The following SORCS3 variants were observed in gnomAD, a reference collection of about 807,000 sequenced individuals.
The protein encoded by SORCS3 is VPS10 domain-containing receptor SorCS3.
SORCS3 carries 57 observed loss-of-function variants against 146.3 expected under a neutral mutation model. That is an observed-to-expected ratio of 0.39 (90% CI 0.31 to 0.49). The LOEUF (loss-of-function observed/expected upper bound fraction) is 0.49. SORCS3 is among the 20% of genes least tolerant of loss of function. The pLI is 0.92. For synonymous variants in SORCS3, 653 were observed against 618.5 expected (o/e 1.06, Z -0.83); for missense variants, 1,341 against 1,575.5 (o/e 0.85, Z 2.52).
At chr10:105,178,249 C>T in intron 14 of SORCS3, 76 bp downstream of exon 14, 5 of 1,168,986 alleles carry the variant, frequency 4.3e-6, no homozygotes, top group Non-Finnish European at 6.1e-6. Context: ...TTGGATTTTT[C>T]CCAGGGAACC....
At chr10:105,200,292 A>G (rs1476823824) in intron 15 of SORCS3, among the ~76,000 whole-genome samples, 176 bp downstream of exon 15, 1 of 152,120 alleles carries the variant, frequency 6.6e-6, no homozygotes. Context: ...GGGCCAGATG[A>G]TATTTAGGAA....
chr10:105,226,782 C>T (rs2056736254), intron 20 of SORCS3, among the ~76,000 whole-genome samples: 2 of 151,442 alleles, frequency 1.3e-5, no homozygotes, highest in Non-Finnish European at 3.0e-5. Context: ...CTGATTCAGT[C>T]TTGGTGGGTT....
At chr10:105,225,538 C>T (rs2056729298) in intron 20 of SORCS3, among the ~76,000 whole-genome samples, 1 of 151,844 alleles carries the variant, frequency 6.6e-6, no homozygotes, top group African/African-American at 2.4e-5. Flanking sequence ...CTTTGTTCTC[C>T]TTCAATTTTA....
chr10:104,973,337 G>A (rs1254415240), intron 3 of SORCS3, among the ~76,000 whole-genome samples: 2 of 151,738 alleles, frequency 1.3e-5, no homozygotes, highest in Non-Finnish European at 2.9e-5. Flanking sequence ...GACTCTTTTT[G>A]GTTGGTAAGC....
chr10:105,177,000 G>T (rs553197836), intron 13 of SORCS3, among the ~76,000 whole-genome samples: 7 of 150,360 alleles, frequency 4.7e-5, no homozygotes, highest in African/African-American at 1.5e-4. Context: ...CATACTGTGC[G>T]GAGCATTGTA....
intron 2 of SORCS3, among the ~76,000 whole-genome samples, chr10:104,871,286 G>A (rs559619423): frequency 1.7e-4 from 26 of 152,328 alleles, no homozygotes; most frequent in Admixed American, 7.8e-4. Context: ...CTTGAAGGAT[G>A]AGTAGGATTT....
At chr10:104,666,688 C>A (rs183466728) in intron 1 of SORCS3, among the ~76,000 whole-genome samples, 3 of 152,278 alleles carry the variant, frequency 2.0e-5, no homozygotes, top group Admixed American at 2.0e-4. Context: ...TCACTGTAAC[C>A]TCAAACTCCT....
intron 1 of SORCS3, among the ~76,000 whole-genome samples, chr10:104,680,300 G>A (rs2015955870): frequency 1.3e-5 from 2 of 152,224 alleles, no homozygotes; most frequent in South Asian, 4.1e-4. Flanking sequence ...TTCACACGGG[G>A]GCAGTGAGCA....
intron 22 of SORCS3, among the ~76,000 whole-genome samples, chr10:105,251,229 A>G (rs1450949382): frequency 6.6e-6 from 1 of 152,188 alleles, no homozygotes; most frequent in Non-Finnish European, 1.5e-5. Context: ...GGTGACAGGA[A>G]AGAGAAGAGT....
chr10:105,226,307 C>T (rs888390814), intron 20 of SORCS3, among the ~76,000 whole-genome samples: 4 of 151,960 alleles, frequency 2.6e-5, no homozygotes, highest in Non-Finnish European at 4.4e-5. Flanking sequence ...AATCTATTAA[C>T]ATGATCATAT....
intron 1 of SORCS3, among the ~76,000 whole-genome samples, chr10:104,741,617 T>C (rs1194800618): frequency 1.3e-5 from 2 of 151,378 alleles, no homozygotes; most frequent in East Asian, 3.9e-4. Flanking sequence ...TTCAGTCCAT[T>C]TTCTCTCTGT....
chr10:105,034,470 C>A (rs2055292480), intron 4 of SORCS3, among the ~76,000 whole-genome samples: 1 of 152,086 alleles, frequency 6.6e-6, no homozygotes, highest in African/African-American at 2.4e-5. Flanking sequence ...TGATGTCATC[C>A]ATTTGACAGA....
intron 5 of SORCS3, among the ~76,000 whole-genome samples, chr10:105,066,814 C>A (rs1209799246): frequency 2.0e-5 from 3 of 152,102 alleles, no homozygotes; most frequent in Non-Finnish European, 2.9e-5. Flanking sequence ...CCTTAGCCCC[C>A]AGTCCTTCCC....
chr10:104,742,562 C>T (rs1280489001), intron 1 of SORCS3, among the ~76,000 whole-genome samples: 1 of 152,166 alleles, frequency 6.6e-6, no homozygotes, highest in Non-Finnish European at 1.5e-5. Context: ...AGGAATTTGA[C>T]TCAGTTTGAT....
chr10:105,072,657 CTCTTTTTTTTTTTTTTTTT>C (rs1321019184), intron 5 of SORCS3, among the ~76,000 whole-genome samples: 2 of 110,408 alleles, frequency 1.8e-5, no homozygotes, highest in Non-Finnish European at 3.6e-5. Context: ...TTCTCTCTCT[CTCTTTTTTTTTTTTTTTTT>C]TTTTTTTTTT....
chr10:104,862,951 G>A (rs1301358550), intron 2 of SORCS3, among the ~76,000 whole-genome samples: 1 of 152,162 alleles, frequency 6.6e-6, no homozygotes, highest in African/African-American at 2.4e-5. Context: ...GATGGGAAAT[G>A]TATGCTAAAA....
At chr10:104,848,326 C>T (rs1037673220) in intron 2 of SORCS3, among the ~76,000 whole-genome samples, 2 of 151,938 alleles carry the variant, frequency 1.3e-5, no homozygotes, top group Non-Finnish European at 2.9e-5. Context: ...GGGGATGCTG[C>T]TTTTTTAAAA....
intron 3 of SORCS3, among the ~76,000 whole-genome samples, chr10:104,975,713 A>C (rs1246543274): frequency 4.6e-5 from 7 of 152,210 alleles, no homozygotes; most frequent in South Asian, 2.1e-4. Flanking sequence ...CAAAACAGAG[A>C]TATAGATCAA....
chr10:104,760,278 A>G (rs2133475885), intron 1 of SORCS3, among the ~76,000 whole-genome samples: 1 of 152,310 alleles, frequency 6.6e-6, no homozygotes, highest in Non-Finnish European at 1.5e-5. Flanking sequence ...TTTTGTCACT[A>G]CAGCAGCTGG....
Sources: allele counts gnomAD v4.1 joint callset (sites outside exome capture counted in the v4.1 genomes callset), GRCh38; gene constraint gnomAD v4.1.1; transcripts MANE v1.5; gene names NCBI Gene and HGNC (gene_info 2026-07-23, HGNC 2026-07-21).